The following POLR1A variants were observed in gnomAD, a reference collection of about 807,000 sequenced individuals.
The protein encoded by POLR1A is RNA polymerase I subunit A, also known as DNA-directed RNA polymerase I subunit RPA1.
POLR1A carries 84 observed loss-of-function variants against 205.3 expected under a neutral mutation model. The ratio of observed to expected loss-of-function variants is 0.41; its 90% CI spans 0.34 to 0.49. The LOEUF (loss-of-function observed/expected upper bound fraction) is 0.49, where lower values mean the gene tolerates loss of function less well. POLR1A is among the 20% of genes least tolerant of loss of function. POLR1A has a pLI of 0.22. For missense variants in POLR1A, 1,645 were observed against 2,204.5 expected, an observed-to-expected ratio of 0.75 and a Z score of 5.08; for synonymous variants, 799 against 863.7, an observed-to-expected ratio of 0.93 and a Z score of 1.31.
At position 86,083,060 on chromosome 2, in the gene POLR1A, T is replaced by C. The variant is rs770416746; in HGVS notation, c.817+22A>G. On this transcript the variant is annotated intron_variant, in intron 7 of 33. Coordinates refer to ENST00000263857, the MANE Select transcript of POLR1A (RefSeq NM_015425.6). ...AAAAGCCTAGAGAAGATCAAGGCTATTTCTTTAGCCTGATACAGCACCTTC... is the reference window on the plus strand; with the variant it reads ...AAAAGCCTAGAGAAGATCAAGGCTACTTCTTTAGCCTGATACAGCACCTTC... 2.0e-5 allele frequency: 32 copies of C among 1,570,890 alleles called. No individual in the cohort carries two copies. The Admixed American group carries it at 2.7e-4, about 13-fold the overall frequency.
Position 86,028,077 on chromosome 2 carries a change from G to A in POLR1A, c.4898-28C>T, listed in dbSNP as rs772642972. On this transcript the variant is annotated intron_variant, in intron 32 of 33. Coordinates refer to ENST00000263857, the MANE Select transcript of POLR1A (RefSeq NM_015425.6). This position sits in a 1 kb window ranked among gnomAD's most constrained non-coding sequence, Gnocchi z 4.5. ...GTCAAACGGGAGGTAAAATTAGGAGGGATTAAGCAGTGACCACGGGAGCAG... is the reference window on the plus strand; with the variant it reads ...GTCAAACGGGAGGTAAAATTAGGAGAGATTAAGCAGTGACCACGGGAGCAG... The A allele has an allele frequency of 1.2e-6, 2 of 1,611,536 alleles. No individual in the cohort carries two copies. The highest frequency in any genetic ancestry group is 2.7e-5 in the African/African-American group (2 of 74,856).
Position 86,052,807 on chromosome 2 carries a change from C to G in POLR1A, c.2392+10G>C, listed in dbSNP as rs771794451. 2.7e-6 allele frequency: 4 copies of G among 1,504,386 alleles called. No individual in the cohort carries two copies. Among genetic ancestry groups the G allele is most frequent in the Non-Finnish European group, 3.6e-6 (4 of 1,121,456 alleles). 93.2% of individuals were successfully genotyped at this position (1,504,386 alleles called of 1,614,324 possible). On this transcript the variant is annotated intron_variant, in intron 16 of 33. Transcript: ENST00000263857. ...GGTCACTGCCCCAGGGCAGCGAGCC[C>G]GGCACTTACCCAAGGTGAAGCCTCT... is the stretch of plus-strand genomic sequence containing the variant.
intron 4 of POLR1A, 97 bp from the exon 5 acceptor site, chr2:86,088,967 C>G: frequency 1.2e-6 from 1 of 809,446 alleles, no homozygotes; most frequent in South Asian, 1.7e-5. Context: ...TTTTAACCAG[C>G]GGAAACACCC....
At chr2:86,069,763 T>A (rs1673143960) in intron 13 of POLR1A, among the ~76,000 whole-genome samples, 1 of 152,218 alleles carries the variant, frequency 6.6e-6, no homozygotes, top group Non-Finnish European at 1.5e-5. Flanking sequence ...ACACAGTTAT[T>A]AAGGTTGGCT....
At position 86,032,386 on chromosome 2, in the gene POLR1A, T is replaced by C. The variant is rs1157066488; in HGVS notation, c.4162-4A>G. ...CCTCATCACCCTCCTGCTCTCCCTG[T>C]GGTTTGTGGGCAAGGAAGAAAAAGA... On this transcript the variant is annotated splice_region_variant and splice_polypyrimidine_tract_variant and intron_variant, in intron 28 of 33. Transcript: ENST00000263857. 3 of 1,601,994 alleles carry C rather than the reference T, an allele frequency of 1.9e-6. No individual in the cohort carries two copies. In the African/African-American group the frequency reaches 4.0e-5, roughly 21 times the overall value.
intron 27 of POLR1A, among the ~76,000 whole-genome samples, chr2:86,037,565 G>C (rs554281871): frequency 3.9e-4 from 59 of 152,362 alleles, no homozygotes; most frequent in Admixed American, 2.9e-3. Context: ...GCTGAGTGCA[G>C]GGAGCTTTCT....
intron 3 of POLR1A, among the ~76,000 whole-genome samples, chr2:86,092,517 G>A (rs986695853): frequency 6.6e-5 from 10 of 152,132 alleles, no homozygotes; most frequent in African/African-American, 2.2e-4. Context: ...CCTCCAGGGC[G>A]TTTTAAAGAG....
chr2:86,082,117 T>C (rs1026524330), intron 7 of POLR1A, among the ~76,000 whole-genome samples: 32 of 152,144 alleles, frequency 2.1e-4, no homozygotes, highest in African/African-American at 7.7e-4. Flanking sequence ...ATTGGAGGCA[T>C]GAGCCAACGT....
chr2:86,074,878 G>A (rs1218939611), intron 12 of POLR1A, 152 bp downstream of exon 12: 1 of 614,112 alleles, frequency 1.6e-6, no homozygotes, highest in Non-Finnish European at 2.9e-6. Flanking sequence ...AGACTACAAG[G>A]TGAATCTAAA....
At chr2:86,044,455 G>T in intron 21 of POLR1A, 151 bp from the exon 22 acceptor site, 1 of 758,898 alleles carries the variant, frequency 1.3e-6, no homozygotes, top group Non-Finnish European at 2.1e-6. Flanking sequence ...CCAATGCCCC[G>T]GGGTCTGGGC....
At chr2:86,047,133 C>CT (rs1672723318) in intron 19 of POLR1A, 32 bp downstream of exon 19, 1 of 1,514,110 alleles carries the variant, frequency 6.6e-7, no homozygotes. Flanking sequence ...TTGCTGACAC[C>CT]TGTAAAGCTG....
At chr2:86,045,432 C>G (rs1672693178) in intron 20 of POLR1A, 72 bp from the exon 21 acceptor site, 7 of 1,329,394 alleles carry the variant, frequency 5.3e-6, no homozygotes. Context: ...CTCAGGCCAA[C>G]ACCTCCAGCA....
chr2:86,088,898 C>T, intron 4 of POLR1A, 28 bp from the exon 5 acceptor site: 1 of 1,488,738 alleles, frequency 6.7e-7, no homozygotes, highest in Non-Finnish European at 9.3e-7. Context: ...GTCAGAGAAC[C>T]TTGGAGTGCC....
intron 13 of POLR1A, among the ~76,000 whole-genome samples, chr2:86,067,606 C>T (rs917805130): frequency 3.3e-5 from 5 of 151,884 alleles, no homozygotes; most frequent in Non-Finnish European, 7.4e-5. Context: ...ATTATGGTTA[C>T]TTAAGGAAGA....
rs878930430 is a variant in POLR1A, at chr2:86,043,182, G to A, written c.3149C>T (p.Ser1050Leu). Residue 1050 changes from serine (S) to leucine (L), a missense_variant, in exon 23 of 34, where the codon TCA becomes TTA. Around this residue, in one of 16 missense-constraint regions of POLR1A, gnomAD observed 201 missense variants for 222.3 expected, o/e 0.90. Transcript: ENST00000263857. ...LASNYEVIMK[S>L]QHLHEVLSRA... Reference sequence around the variant, plus strand: ...GGATAAAACTTCATGGAGATGCTGTGATTTCATTATCACCTAAACAAACAA... The same window carrying A: ...GGATAAAACTTCATGGAGATGCTGTAATTTCATTATCACCTAAACAAACAA... The A allele has an allele frequency of 1.9e-6, 3 of 1,611,884 alleles. No individual in the cohort carries two copies. Among genetic ancestry groups the A allele is most frequent in the South Asian group, 2.2e-5 (2 of 90,934 alleles).
Position 86,052,935 on chromosome 2 carries a change from G to A in POLR1A, c.2274C>T (p.Ala758=), listed in dbSNP as rs35625755. 0.021 allele frequency: 33,887 copies of A among 1,609,370 alleles called. 419 individuals carry two copies. The highest frequency in any genetic ancestry group is 0.027 in the Middle Eastern group (165 of 6,040). Residue 758 remains alanine, a synonymous_variant, in exon 16 of 34, where the codon GCC becomes GCT. Transcript: ENST00000263857. The part of the protein sequence containing the change: ...VLDKAHYGSS[A]YGLVHCCYEI... Reference sequence around the variant, plus strand: ...CATAGCAGCAGTGGACCAGGCCGTAGGCGGAGCTCCCATAGTGCGCCTTGT... The same window carrying A: ...CATAGCAGCAGTGGACCAGGCCGTAAGCGGAGCTCCCATAGTGCGCCTTGT...
At position 86,045,721 on chromosome 2, in the gene POLR1A, G is replaced by T; in HGVS notation, c.2782C>A (p.Leu928Met). 1.2e-6 allele frequency: 2 copies of T among 1,610,292 alleles called. No individual in the cohort carries two copies. Among genetic ancestry groups the T allele is most frequent in the South Asian group, 2.2e-5 (2 of 90,338 alleles). Residue 928 changes from leucine to methionine, a missense_variant, in exon 20 of 34, where the codon CTG becomes ATG. By Grantham distance (15) the Leu-to-Met change is conservative. Coordinates refer to ENST00000263857, the MANE Select transcript of POLR1A (RefSeq NM_015425.6). Reference sequence around the variant, plus strand: ...GGCAGTGACTTGCCAGACGCCATCAGCGGGGGTCTCCGACCTTCCAGTTCA... The same window carrying T: ...GGCAGTGACTTGCCAGACGCCATCATCGGGGGTCTCCGACCTTCCAGTTCA... ...QIELEGRRPP[L>M]MASGKSLPCF...
chr2:86,044,164 A>T lies in POLR1A; in HGVS notation c.3110T>A (p.Phe1037Tyr). Residue 1037 changes from phenylalanine to tyrosine, a missense_variant, in exon 22 of 34, where the codon TTC (phenylalanine) becomes TAC (tyrosine). Physicochemically the swap from Phe to Tyr is conservative, Grantham distance 22 (BLOSUM62 3). This residue lies in a region of POLR1A where 201 missense variants were observed against 222.3 expected (regional missense o/e 0.90). Transcript: ENST00000263857. The stretch of plus-strand genomic sequence containing the variant: ...CTCGTAGTTGCTGGCCAGGAAGGGG[A>T]ACTGCTTGGGCTGCAGGAACTGTGT... ...PKTQFLQPKQ[F>Y]PFLASNYEVI... The T allele has an allele frequency of 6.2e-7, 1 of 1,614,136 alleles. No homozygotes were observed. The highest frequency in any genetic ancestry group is 8.5e-7 in the Non-Finnish European group (1 of 1,180,014).
At chr2:86,091,156 A>G (rs1384466324) in intron 3 of POLR1A, among the ~76,000 whole-genome samples, 1 of 152,216 alleles carries the variant, frequency 6.6e-6, no homozygotes, top group South Asian at 2.1e-4. Context: ...GAACCTGGAT[A>G]ATGACAGTCC....
Sources: gnomAD v4.1 joint callset for allele counts (sites outside exome capture counted in the v4.1 genomes callset) on GRCh38, gnomAD v4.1.1 for gene constraint, gnomAD v4.1.1 regional missense constraint, Gnocchi (gnomAD v3.1) non-coding constraint, MANE v1.5 for transcripts, NCBI Gene and HGNC (gene_info 2026-07-23, HGNC 2026-07-21) for gene names.